ACTR3C: variants seen among roughly 807,000 people sequenced by gnomAD.
The protein encoded by ACTR3C is actin related protein 3C.
ACTR3C carries 18 observed loss-of-function variants against 26.3 expected under a neutral mutation model. The observed-to-expected ratio is 0.68, with a 90% CI of 0.47 to 1.01. The LOEUF is 1.01. ACTR3C is among the 50% of genes least tolerant of loss of function. The pLI, the probability that ACTR3C is intolerant of heterozygous loss-of-function variation, is 0.00. For synonymous variants in ACTR3C, 55 were observed against 94.5 expected, an observed-to-expected ratio of 0.58 and a Z score of 2.42; for missense variants, 184 against 250.7, an observed-to-expected ratio of 0.73 and a Z score of 1.80.
the ACTR3C span, among the ~76,000 whole-genome samples, chr7:150,228,210 T>A: frequency 2.0e-5 from 3 of 152,230 alleles, no homozygotes; most frequent in Non-Finnish European, 4.4e-5. Flanking sequence ...CTGCACATAG[T>A]TCCTGTTCAC....
the ACTR3C span, among the ~76,000 whole-genome samples, chr7:150,130,591 A>C: frequency 1.3e-5 from 2 of 152,266 alleles, no homozygotes; most frequent in Non-Finnish European, 2.9e-5. Context: ...CCAGTTTCTA[A>C]TAACGTTAAA....
the ACTR3C span, among the ~76,000 whole-genome samples, chr7:149,940,178 T>G: frequency 6.6e-6 from 1 of 152,214 alleles, no homozygotes; most frequent in Non-Finnish European, 1.5e-5. Context: ...AAATTCAAGG[T>G]CTAAATCTGA....
chr7:150,012,317 C>CT, the ACTR3C span, among the ~76,000 whole-genome samples: 827 of 131,250 alleles, frequency 6.3e-3, 131 homozygotes, highest in East Asian at 0.094. Flanking sequence ...ATAAATGCAT[C>CT]TTTTTTTTTT....
chr7:150,137,360 G>T, the ACTR3C span, among the ~76,000 whole-genome samples: 1 of 152,086 alleles, frequency 6.6e-6, no homozygotes, highest in Admixed American at 6.5e-5. Context: ...GGAGCAAGAC[G>T]AGGGAGAAAT....
the ACTR3C span, among the ~76,000 whole-genome samples, chr7:149,894,541 A>C: frequency 1.3e-5 from 2 of 148,436 alleles, no homozygotes; most frequent in African/African-American, 5.3e-5. Flanking sequence ...AACAGCAATA[A>C]AAAAAACAAA....
the ACTR3C span, among the ~76,000 whole-genome samples, chr7:150,109,080 C>T: frequency 1.3e-5 from 2 of 152,006 alleles, no homozygotes; most frequent in South Asian, 2.1e-4. Flanking sequence ...GATGCAAAGT[C>T]GGGTGCGACC....
the ACTR3C span, among the ~76,000 whole-genome samples, chr7:150,136,000 A>G: frequency 6.6e-6 from 1 of 152,164 alleles, no homozygotes; most frequent in Non-Finnish European, 1.5e-5. Context: ...AAACCCTGTC[A>G]TGATGAAGAA....
chr7:150,141,505 C>A, the ACTR3C span, among the ~76,000 whole-genome samples: 2 of 151,654 alleles, frequency 1.3e-5, no homozygotes, highest in Admixed American at 6.6e-5. Context: ...GAAGCCCCAG[C>A]CTTCCCTGCT....
At chr7:150,027,770 C>G in the ACTR3C span, among the ~76,000 whole-genome samples, 71 of 152,200 alleles carry the variant, frequency 4.7e-4, 2 homozygotes, top group African/African-American at 1.6e-3. Context: ...ACCTAGCTCT[C>G]AGTCAGGTTT....
At chr7:150,216,135 A>G in the ACTR3C span, among the ~76,000 whole-genome samples, 1 of 151,874 alleles carries the variant, frequency 6.6e-6, no homozygotes, top group South Asian at 2.1e-4. Flanking sequence ...AAAAGAGAAA[A>G]CAGATATGAA....
chr7:149,906,389 G>GT, the ACTR3C span, among the ~76,000 whole-genome samples: 51 of 144,510 alleles, frequency 3.5e-4, no homozygotes, highest in Admixed American at 4.1e-4. Context: ...AGTCCATGGG[G>GT]TTTTTGTGTG....
chr7:149,998,155 C>T, the ACTR3C span, among the ~76,000 whole-genome samples: 2 of 150,904 alleles, frequency 1.3e-5, no homozygotes, highest in Admixed American at 6.6e-5. Flanking sequence ...TGGGGCACAT[C>T]ACCCTGTGGC....
chr7:150,121,907 G>A, the ACTR3C span, among the ~76,000 whole-genome samples: 1 of 152,036 alleles, frequency 6.6e-6, no homozygotes, highest in African/African-American at 2.4e-5. Context: ...CAGAACAGAG[G>A]CCTCAGAAGT....
chr7:150,286,934 C>T (rs886364964), intron 4 of ACTR3C, among the ~76,000 whole-genome samples: 3 of 152,126 alleles, frequency 2.0e-5, no homozygotes, highest in East Asian at 1.9e-4. Flanking sequence ...ACCCGTGCTG[C>T]GAGCTCAACT....
chr7:150,172,671 C>G, the ACTR3C span, among the ~76,000 whole-genome samples: 6 of 150,368 alleles, frequency 4.0e-5, no homozygotes, highest in Non-Finnish European at 7.3e-5. Context: ...CAAAAGTCCA[C>G]AGTCCAAAGT....
At chr7:149,894,271 G>A in the ACTR3C span, among the ~76,000 whole-genome samples, 10 of 152,224 alleles carry the variant, frequency 6.6e-5, no homozygotes, top group Non-Finnish European at 1.2e-4. Flanking sequence ...AGACTTCAAT[G>A]TAAGACCTGA....
chr7:149,984,192 G>A, the ACTR3C span, among the ~76,000 whole-genome samples: 1 of 148,820 alleles, frequency 6.7e-6, no homozygotes, highest in African/African-American at 2.6e-5. Context: ...AGTACCTACT[G>A]AGGGATTCCT....
the ACTR3C span, among the ~76,000 whole-genome samples, chr7:150,158,661 G>A: frequency 7.2e-5 from 11 of 152,190 alleles, no homozygotes; most frequent in Non-Finnish European, 1.3e-4. Flanking sequence ...AGTTGAGGAC[G>A]GGTGATCTTG....
chr7:150,237,758 T>C, the ACTR3C span, among the ~76,000 whole-genome samples: 8 of 151,996 alleles, frequency 5.3e-5, no homozygotes, highest in South Asian at 1.7e-3. Flanking sequence ...GGGACCTTGC[T>C]GGTAGCCAGC....
Sources: gnomAD v4.1 joint callset for allele counts (sites outside exome capture counted in the v4.1 genomes callset) on GRCh38, gnomAD v4.1.1 for gene constraint, MANE v1.5 for transcripts, NCBI Gene and HGNC (gene_info 2026-07-23, HGNC 2026-07-21) for gene names.